The following TMEM87B variants were observed in gnomAD, a reference collection of about 807,000 sequenced individuals.
The protein encoded by TMEM87B is transmembrane protein 87B.
A neutral mutation model predicts 80.3 loss-of-function variants in TMEM87B; 83 were observed. The observed-to-expected ratio is 1.03, with a 90% CI of 0.87 to 1.24. The LOEUF is 1.24. Ranked by LOEUF, TMEM87B falls within the 50% of genes most tolerant of loss-of-function variation. TMEM87B has a pLI of 0.00. For synonymous variants in TMEM87B, 219 were observed against 230.5 expected (o/e 0.95, Z 0.45); for missense variants, 625 against 674.4 (o/e 0.93, Z 0.81).
In TMEM87B at chr2:112,119,314, A is replaced by G. The variant is rs1189595203; in HGVS notation, c.*3171A>G. On this transcript the variant is annotated 3_prime_UTR_variant, in exon 19 of 19. Coordinates refer to ENST00000283206, the MANE Select transcript of TMEM87B (RefSeq NM_032824.3). Reference sequence around the variant, plus strand: ...TTTAATAAAAATGCTCTGAATTTGAATGATTGATTCTTGATAGTATTTATT... The same window carrying G: ...TTTAATAAAAATGCTCTGAATTTGAGTGATTGATTCTTGATAGTATTTATT... 6.6e-6 allele frequency: 1 copy of G among 152,208 alleles called. No homozygotes were observed. Among genetic ancestry groups the G allele is most frequent in the Admixed American group, 6.5e-5 (1 of 15,280 alleles). The allele number at this position is 152,208 out of a possible 1,614,324, so 9.4% of individuals were successfully genotyped here.
Position 112,055,586 on chromosome 2 carries a change from G to A in TMEM87B, c.-6G>A, listed in dbSNP as rs10176769. On this transcript the variant is annotated 5_prime_UTR_variant, in exon 1 of 19. Transcript: ENST00000283206. ...TCGGAGCGCCAGGTGCAGCTTCCTG[G>A]TCAAGATGGTCGCCGCCTGCCGCTC... The A allele has an allele frequency of 0.31, 463,945 of 1,512,400 alleles. 72,815 individuals are homozygous for A. Among genetic ancestry groups the A allele is most frequent in the Middle Eastern group, 0.34 (1,451 of 4,272 alleles). 93.7% of individuals were successfully genotyped at this position (1,512,400 alleles called of 1,614,324 possible). A position where few individuals can be genotyped will look rare whatever the true frequency, so the allele number is the denominator to read the frequency against.
chr2:112,076,878 GT>G (rs1264958446), intron 5 of TMEM87B, among the ~76,000 whole-genome samples: 13 of 147,442 alleles, frequency 8.8e-5, no homozygotes, highest in Non-Finnish European at 6.0e-5. Flanking sequence ...GTGTGTGTGT[GT>G]GTGTGTGTGT....
At chr2:112,115,855 C>T (rs1044489419) in intron 18 of TMEM87B, among the ~76,000 whole-genome samples, 2 of 152,148 alleles carry the variant, frequency 1.3e-5, no homozygotes, top group Non-Finnish European at 2.9e-5. Context: ...AGGCCGGTCT[C>T]GAACTCCTAG....
chr2:112,084,170 C>T (rs576565347), intron 8 of TMEM87B, among the ~76,000 whole-genome samples: 12 of 152,300 alleles, frequency 7.9e-5, no homozygotes, highest in African/African-American at 2.9e-4. Flanking sequence ...ACAGGCCACA[C>T]TGTACCAGAA....
intron 1 of TMEM87B, 85 bp from the exon 2 acceptor site, chr2:112,059,892 G>A: frequency 6.7e-7 from 1 of 1,501,250 alleles, no homozygotes. Flanking sequence ...GGAGTGCAAG[G>A]CTTAGAACTC....
At chr2:112,077,516 A>C (rs1678861914) in intron 6 of TMEM87B, among the ~76,000 whole-genome samples, 1 of 152,202 alleles carries the variant, frequency 6.6e-6, no homozygotes, top group Non-Finnish European at 1.5e-5. Context: ...AAAATTTCAA[A>C]CTTCATAGTG....
chr2:112,098,402 T>C (rs1679534666), intron 13 of TMEM87B, among the ~76,000 whole-genome samples, 193 bp from the exon 14 acceptor site: 1 of 152,206 alleles, frequency 6.6e-6, no homozygotes, highest in African/African-American at 2.4e-5. Flanking sequence ...CAGGGAATAT[T>C]TGTAACATTA....
intron 10 of TMEM87B, among the ~76,000 whole-genome samples, chr2:112,090,379 ATTGGTTGGTTGGTTGG>A (rs139232840): frequency 2.1e-4 from 31 of 150,112 alleles, no homozygotes; most frequent in South Asian, 2.1e-4. Flanking sequence ...TCATTGGTTG[ATTGGTTGGTTGGTTGG>A]TTGGTTGGTT....
At chr2:112,082,589 G>A (rs1679029655) in intron 8 of TMEM87B, among the ~76,000 whole-genome samples, 1 of 152,192 alleles carries the variant, frequency 6.6e-6, no homozygotes, top group South Asian at 2.1e-4. Flanking sequence ...ATGTACCAAA[G>A]AATAAAGAAA....
chr2:112,066,858 T>G, intron 3 of TMEM87B, 78 bp from the exon 4 acceptor site: 1 of 1,305,440 alleles, frequency 7.7e-7, no homozygotes, highest in Admixed American at 3.0e-5. Flanking sequence ...TTGGTATTAT[T>G]TAGACATTAA....
At chr2:112,084,071 T>C (rs574667786) in intron 8 of TMEM87B, among the ~76,000 whole-genome samples, 3 of 152,312 alleles carry the variant, frequency 2.0e-5, no homozygotes, top group Admixed American at 6.5e-5. Context: ...AAACTCAACA[T>C]AGGCAATAAT....
At chr2:112,098,029 G>A (rs577809841) in intron 13 of TMEM87B, among the ~76,000 whole-genome samples, 3 of 151,606 alleles carry the variant, frequency 2.0e-5, no homozygotes, top group Non-Finnish European at 2.9e-5. Flanking sequence ...AGTCTGGAGC[G>A]CAGTGGTGCG....
intron 6 of TMEM87B, among the ~76,000 whole-genome samples, chr2:112,080,314 CA>C (rs1431064991): frequency 6.6e-6 from 1 of 151,448 alleles, no homozygotes; most frequent in South Asian, 2.1e-4. Flanking sequence ...GGCTGGAGTG[CA>C]GTGGCGTGAT....
chr2:112,092,338 G>A (rs1679328816), intron 11 of TMEM87B, among the ~76,000 whole-genome samples: 1 of 152,206 alleles, frequency 6.6e-6, no homozygotes, highest in Non-Finnish European at 1.5e-5. Context: ...AATGTCCAGG[G>A]AAGCCTGCCT....
intron 16 of TMEM87B, among the ~76,000 whole-genome samples, chr2:112,107,415 A>T (rs1679800772): frequency 6.6e-6 from 1 of 151,868 alleles, no homozygotes; most frequent in Non-Finnish European, 1.5e-5. Context: ...AAAGTTATAA[A>T]CTCATTATAT....
rs971280034 is a variant in TMEM87B at position 112,055,502 on chromosome 2, C to G, written c.-90C>G. 36 of 1,361,860 alleles carry G rather than the reference C, an allele frequency of 2.6e-5. No homozygotes were observed. In the Middle Eastern group the frequency reaches 8.0e-4, roughly 30 times the overall value. The allele number at this position is 1,361,860 out of a possible 1,614,324, so 84.4% of individuals were successfully genotyped here. On this transcript the variant is annotated 5_prime_UTR_variant, in exon 1 of 19. Coordinates refer to ENST00000283206, the MANE Select transcript of TMEM87B (RefSeq NM_032824.3). ...ACACCCGAGTCCGAGCCCCGCGTCC[C>G]GGATTCGGACCCGCCTGCCTGGGGC...
chr2:112,105,850 C>A, intron 15 of TMEM87B, 152 bp from the exon 16 acceptor site: 1 of 487,558 alleles, frequency 2.1e-6, no homozygotes, highest in South Asian at 5.2e-5. Flanking sequence ...TCCTACATTC[C>A]CAAATGGTAA....
intron 8 of TMEM87B, among the ~76,000 whole-genome samples, chr2:112,083,290 G>T (rs1161713004): frequency 6.6e-6 from 1 of 152,212 alleles, no homozygotes; most frequent in Admixed American, 6.5e-5. Context: ...CTGAAAACTG[G>T]TGGTGCTGCC....
intron 14 of TMEM87B, among the ~76,000 whole-genome samples, chr2:112,099,525 C>CATACATATAT (rs1203306570): frequency 8.1e-6 from 1 of 122,794 alleles, no homozygotes; most frequent in African/African-American, 3.3e-5. Flanking sequence ...TACAATAATA[C>CATACATATAT]ATATATATAT....
Sources: allele counts gnomAD v4.1 joint callset (sites outside exome capture counted in the v4.1 genomes callset), GRCh38; gene constraint gnomAD v4.1.1; transcripts MANE v1.5; gene names NCBI Gene and HGNC (gene_info 2026-07-23, HGNC 2026-07-21).